Variants in NCKAP5 observed in about 807,000 individuals in gnomAD.
NCKAP5 encodes nck-associated protein 5.
A neutral mutation model predicts 167.0 loss-of-function variants in NCKAP5; 92 were observed. The ratio of observed to expected loss-of-function variants is 0.55; its 90% CI spans 0.47 to 0.66. The LOEUF (loss-of-function observed/expected upper bound fraction) is 0.66. NCKAP5 is among the 30% of genes least tolerant of loss of function. The probability of loss-of-function intolerance (pLI) is 0.00; values close to 1 mark genes in which losing one functional copy is unlikely to be tolerated. For synonymous variants in NCKAP5, 891 were observed against 877.4 expected, an observed-to-expected ratio of 1.02 and a Z score of -0.27; for missense variants, 2,378 against 2,315.0, an observed-to-expected ratio of 1.03 and a Z score of -0.56.
Position 133,542,913 on chromosome 2 carries a change from TAAC to T in NCKAP5, c.-62+16134_-62+16136del, listed in dbSNP as rs1470002286. Among the ~76,000 whole-genome samples, 6 of 152,312 alleles carry T rather than the reference TAAC, an allele frequency of 3.9e-5. No homozygotes were observed. The East Asian group carries it at 1.2e-3, about 29-fold the overall frequency. ...ACTTTTCTTATTTATAAAATGGAAA[TAAC>T]AACACTATGTATACCATAGGTAGGA... On this transcript the variant is annotated intron_variant, in intron 2 of 19. Coordinates refer to ENST00000409261, the MANE Select transcript of NCKAP5 (RefSeq NM_207363.3).
rs188860379 is a variant in NCKAP5 at position 133,514,058 on chromosome 2, G to A, written c.69+3400C>T. On this transcript the variant is annotated intron_variant, in intron 3 of 19. Transcript: ENST00000409261. Reference sequence around the variant, plus strand: ...CCCTGGGAAGGGCTGAACAGTTTTGGGTCAAGAAGAGGACTCGATTTCTGG... The same window carrying A: ...CCCTGGGAAGGGCTGAACAGTTTTGAGTCAAGAAGAGGACTCGATTTCTGG... Among the ~76,000 whole-genome samples the A allele has an allele frequency of 3.9e-5, 6 of 152,190 alleles. No individual in the cohort carries two copies. The South Asian group carries it at 1.0e-3, about 26-fold the overall frequency.
intron 19 of NCKAP5, among the ~76,000 whole-genome samples, chr2:132,710,333 C>T (rs1688726582): frequency 6.6e-6 from 1 of 152,154 alleles, no homozygotes; most frequent in Admixed American, 6.5e-5. Context: ...CTTTAAATAT[C>T]AACAACAATC....
chr2:132,741,442 G>A (rs968104465), intron 16 of NCKAP5, among the ~76,000 whole-genome samples: 5 of 151,978 alleles, frequency 3.3e-5, no homozygotes, highest in Non-Finnish European at 7.4e-5. Flanking sequence ...ACAGTTTAAT[G>A]GCCAGCATTT....
chr2:133,266,729 G>A (rs897185313), intron 4 of NCKAP5, among the ~76,000 whole-genome samples: 4 of 152,268 alleles, frequency 2.6e-5, no homozygotes, highest in African/African-American at 9.6e-5. Context: ...GTTGTGTTCC[G>A]CCGCCAGTCC....
At chr2:133,167,283 G>T (rs2084038938) in intron 5 of NCKAP5, among the ~76,000 whole-genome samples, 1 of 152,094 alleles carries the variant, frequency 6.6e-6, no homozygotes, top group Admixed American at 6.6e-5. Context: ...CAGGGTGGAA[G>T]GCAGCATAAT....
rs1287597186 is a variant in NCKAP5, at chr2:133,465,122, A to G, written c.69+52336T>C. 8.0e-5 allele frequency among the ~76,000 whole-genome samples: 12 copies of G among 150,382 alleles called. No homozygotes were observed. In the East Asian group the frequency reaches 2.4e-3, roughly 30 times the overall value. ...TGCTGTACCCACTAACTCGTCATCT[A>G]GCATTAGGTGTATCTCCCAGTGCTA... is the stretch of plus-strand genomic sequence containing the variant. On this transcript the variant is annotated intron_variant, in intron 3 of 19. Coordinates refer to ENST00000409261, the MANE Select transcript of NCKAP5 (RefSeq NM_207363.3).
intron 6 of NCKAP5, among the ~76,000 whole-genome samples, chr2:133,037,406 G>A (rs2079073490): frequency 1.3e-5 from 2 of 152,016 alleles, no homozygotes; most frequent in Admixed American, 1.3e-4. Context: ...ATTCTACAGA[G>A]GTATAGTAAA....
intron 11 of NCKAP5, among the ~76,000 whole-genome samples, chr2:132,814,490 GC>G: frequency 6.6e-6 from 1 of 152,206 alleles, no homozygotes; most frequent in African/African-American, 2.4e-5. Flanking sequence ...TCATTTCTTG[GC>G]AAATGGCAGT....
At chr2:133,493,527 T>C (rs1681656044) in intron 3 of NCKAP5, among the ~76,000 whole-genome samples, 1 of 152,290 alleles carries the variant, frequency 6.6e-6, no homozygotes, top group Admixed American at 6.5e-5. Flanking sequence ...TACTGATGTG[T>C]CTCAAACACT....
At chr2:132,954,497 G>A (rs2076284054) in intron 8 of NCKAP5, 4 of 320,476 alleles carry the variant, frequency 1.2e-5, no homozygotes, top group Non-Finnish European at 2.4e-5. Context: ...GCACCAGGAT[G>A]CTCATAAGAA....
At chr2:132,980,096 A>G (rs1277707422) in intron 7 of NCKAP5, among the ~76,000 whole-genome samples, 2 of 148,346 alleles carry the variant, frequency 1.3e-5, no homozygotes, top group East Asian at 2.0e-4. Context: ...CTCAGGTGAT[A>G]CTCCCACCTC....
intron 4 of NCKAP5, among the ~76,000 whole-genome samples, chr2:133,222,503 A>G (rs2086698268): frequency 6.6e-6 from 1 of 152,230 alleles, no homozygotes; most frequent in Admixed American, 6.5e-5. Context: ...TGAGAGAATG[A>G]GAACAAAGAA....
chr2:132,715,688 C>T lies in NCKAP5; in HGVS notation c.5713+9939G>A, dbSNP rs142154372. On this transcript the variant is annotated intron_variant, in intron 19 of 19. Coordinates refer to ENST00000409261, the MANE Select transcript of NCKAP5 (RefSeq NM_207363.3). The stretch of plus-strand genomic sequence containing the variant: ...TGTTACCACTTCAGACAGTCAGTGT[C>T]TCCCTAACACAGTCTGACAAAGACA... 6.6e-3 allele frequency among the ~76,000 whole-genome samples: 1,008 copies of T among 152,306 alleles called. 14 individuals carry two copies. Among genetic ancestry groups the T allele is most frequent in the African/African-American group, 0.023 (940 of 41,580 alleles).
At chr2:132,727,862 T>C (rs1054375597) in intron 18 of NCKAP5, among the ~76,000 whole-genome samples, 4 of 152,214 alleles carry the variant, frequency 2.6e-5, no homozygotes, top group Non-Finnish European at 5.9e-5. Flanking sequence ...CCTTCCATAC[T>C]GAGGCAGATG....
At chr2:132,860,904 T>A (rs1689854050) in intron 10 of NCKAP5, among the ~76,000 whole-genome samples, 1 of 152,222 alleles carries the variant, frequency 6.6e-6, no homozygotes, top group Admixed American at 6.5e-5. Context: ...AATTTAAGTT[T>A]CCGCCTATAT....
intron 2 of NCKAP5, among the ~76,000 whole-genome samples, chr2:133,528,422 T>C (rs896201363): frequency 2.0e-5 from 3 of 152,014 alleles, no homozygotes; most frequent in African/African-American, 7.2e-5. Flanking sequence ...GACCAGTGCT[T>C]CTCAAATGCA....
chr2:132,951,709 G>A (rs1453507162), intron 8 of NCKAP5, among the ~76,000 whole-genome samples: 3 of 152,130 alleles, frequency 2.0e-5, no homozygotes, highest in South Asian at 2.1e-4. Context: ...TATATAACAA[G>A]GGCATTTTTC....
chr2:132,697,055 T>G (rs1687392732), intron 19 of NCKAP5, among the ~76,000 whole-genome samples: 1 of 152,160 alleles, frequency 6.6e-6, no homozygotes, highest in South Asian at 2.1e-4. Context: ...CCCAGCTAAT[T>G]TTTGTATTTT....
intron 3 of NCKAP5, among the ~76,000 whole-genome samples, chr2:133,442,305 T>C (rs902349702): frequency 2.6e-5 from 4 of 152,080 alleles, no homozygotes; most frequent in African/African-American, 9.7e-5. Context: ...GAGGCAGTGG[T>C]TCTGACAAAG....
Sources: allele counts gnomAD v4.1 joint callset (sites outside exome capture counted in the v4.1 genomes callset), GRCh38; gene constraint gnomAD v4.1.1; transcripts MANE v1.5; gene names NCBI Gene and HGNC (gene_info 2026-07-23, HGNC 2026-07-21).